CCSER1: variants seen among roughly 807,000 people sequenced by gnomAD.
The protein encoded by CCSER1 is serine-rich coiled-coil domain-containing protein 1.
Under a neutral mutation model 82.0 loss-of-function variants are expected in CCSER1, and 41 were observed. That is an observed-to-expected ratio of 0.50 (90% CI 0.39 to 0.65). The LOEUF (loss-of-function observed/expected upper bound fraction) is 0.65, where lower values mean the gene tolerates loss of function less well. Ranked by LOEUF, CCSER1 falls within the 30% of genes least tolerant of loss-of-function variation. The pLI is 0.00. For synonymous variants in CCSER1, 414 were observed against 383.9 expected, an observed-to-expected ratio of 1.08 and a Z score of -0.92; for missense variants, 1,119 against 1,064.2, an observed-to-expected ratio of 1.05 and a Z score of -0.72.
chr4:90,981,795 G>A (rs2150422778), intron 9 of CCSER1, among the ~76,000 whole-genome samples: 1 of 151,958 alleles, frequency 6.6e-6, no homozygotes, highest in African/African-American at 2.4e-5. Flanking sequence ...TAGCAATTAG[G>A]ATAGCTTATA....
At chr4:90,607,517 T>C (rs567738518) in intron 5 of CCSER1, among the ~76,000 whole-genome samples, 54 of 152,152 alleles carry the variant, frequency 3.5e-4, no homozygotes, top group Non-Finnish European at 4.7e-4. Flanking sequence ...TTTCTGGCAA[T>C]CTTTGGCTTT....
chr4:90,380,853 C>G (rs949612222), intron 3 of CCSER1, among the ~76,000 whole-genome samples: 2 of 152,178 alleles, frequency 1.3e-5, no homozygotes, highest in Non-Finnish European at 2.9e-5. Flanking sequence ...ATTCAAGGTA[C>G]TGTGTTTCTT....
intron 1 of CCSER1, among the ~76,000 whole-genome samples, chr4:90,268,793 C>T (rs967890112): frequency 6.6e-6 from 1 of 151,828 alleles, no homozygotes; most frequent in African/African-American, 2.4e-5. Flanking sequence ...GATCTGTTGC[C>T]TACAAGAAAT....
chr4:90,236,225 G>T (rs961163270), intron 1 of CCSER1, among the ~76,000 whole-genome samples: 1 of 152,112 alleles, frequency 6.6e-6, no homozygotes, highest in Non-Finnish European at 1.5e-5. Context: ...CACTGCGCCT[G>T]GCTAAAATAA....
chr4:90,890,872 A>G (rs902660551), intron 8 of CCSER1, among the ~76,000 whole-genome samples: 1 of 152,196 alleles, frequency 6.6e-6, no homozygotes, highest in African/African-American at 2.4e-5. Flanking sequence ...TCTAATGTCT[A>G]GCATTAGATA....
chr4:90,587,695 TAA>T, intron 5 of CCSER1, among the ~76,000 whole-genome samples: 1 of 152,342 alleles, frequency 6.6e-6, no homozygotes, highest in Non-Finnish European at 1.5e-5. Flanking sequence ...TTTTACCACT[TAA>T]GTTGCTTTAT....
At position 90,892,102 on chromosome 4, in the gene CCSER1, C is replaced by T. The variant is rs544714428; in HGVS notation, c.2095-31268C>T. 9.9e-5 allele frequency among the ~76,000 whole-genome samples: 15 copies of T among 152,090 alleles called. No individual in the cohort carries two copies. In the South Asian group the frequency reaches 2.9e-3, roughly 29 times the overall value. On this transcript the variant is annotated intron_variant, in intron 8 of 10. Coordinates refer to ENST00000509176, the MANE Select transcript of CCSER1 (RefSeq NM_001145065.2). ...AAAATTTGTTTTTTATCTTGTTAAA[C>T]GTAGTGTTAGATTTTAAATACATTT...
chr4:90,177,274 G>A (rs1260100222), intron 1 of CCSER1, among the ~76,000 whole-genome samples: 1 of 151,992 alleles, frequency 6.6e-6, no homozygotes, highest in Non-Finnish European at 1.5e-5. Context: ...ATGAAGTTGT[G>A]GATCTCTGAC....
At chr4:91,540,251 A>G (rs1761517533) in intron 10 of CCSER1, among the ~76,000 whole-genome samples, 1 of 152,088 alleles carries the variant, frequency 6.6e-6, no homozygotes, top group South Asian at 2.1e-4. Flanking sequence ...CAAAGTTCAT[A>G]GTTTACATTA....
At chr4:91,093,472 G>T (rs114539021) in intron 10 of CCSER1, among the ~76,000 whole-genome samples, 2,671 of 152,336 alleles carry the variant, frequency 0.018, 77 homozygotes, top group African/African-American at 0.059. Context: ...TTAGCCCATG[G>T]TGTCCTTTGG....
At position 90,598,798 on chromosome 4, in the gene CCSER1, A is replaced by G. The variant is rs76609027; in HGVS notation, c.1725-29227A>G. 8.0e-4 allele frequency among the ~76,000 whole-genome samples: 122 copies of G among 152,176 alleles called. No homozygotes were observed. The East Asian group carries it at 0.02, about 25-fold the overall frequency. ...TCACTGGGCCTAGGTTCAAGTAGTCAGGGGACAGGGTAGACATTAGAATGG... is the reference window on the plus strand; with the variant it reads ...TCACTGGGCCTAGGTTCAAGTAGTCGGGGGACAGGGTAGACATTAGAATGG... On this transcript the variant is annotated intron_variant, in intron 5 of 10. Transcript: ENST00000509176.
intron 5 of CCSER1, among the ~76,000 whole-genome samples, chr4:90,618,783 A>T (rs770606108): frequency 6.6e-6 from 1 of 151,902 alleles, no homozygotes; most frequent in Non-Finnish European, 1.5e-5. Flanking sequence ...TAAAACTCTT[A>T]TTGTTGATAA....
chr4:90,307,365 A>G (rs1412761073), intron 1 of CCSER1, among the ~76,000 whole-genome samples: 1 of 151,962 alleles, frequency 6.6e-6, no homozygotes, highest in African/African-American at 2.4e-5. Context: ...GTTTTTACTC[A>G]AGTATTTTCT....
chr4:90,231,650 G>C (rs952403429), intron 1 of CCSER1, among the ~76,000 whole-genome samples: 2 of 150,488 alleles, frequency 1.3e-5, no homozygotes, highest in Non-Finnish European at 2.9e-5. Flanking sequence ...GGAAATAAAG[G>C]GTATTCAATT....
intron 10 of CCSER1, among the ~76,000 whole-genome samples, chr4:91,355,422 C>G (rs757609881): frequency 6.6e-5 from 10 of 152,048 alleles, no homozygotes; most frequent in Non-Finnish European, 1.0e-4. Flanking sequence ...TAAAATGGGT[C>G]ATAACACACA....
At chr4:91,182,321 C>T (rs1321198452) in intron 10 of CCSER1, among the ~76,000 whole-genome samples, 3 of 152,180 alleles carry the variant, frequency 2.0e-5, no homozygotes, top group African/African-American at 7.2e-5. Flanking sequence ...ATTATTTTAC[C>T]TATTTCCCAA....
chr4:91,233,623 T>C (rs575370334), intron 10 of CCSER1, among the ~76,000 whole-genome samples: 1 of 152,068 alleles, frequency 6.6e-6, no homozygotes, highest in Admixed American at 6.5e-5. Flanking sequence ...CAATATTGTC[T>C]TACACAAAGG....
At chr4:91,586,780 T>A (rs559540095) in intron 10 of CCSER1, among the ~76,000 whole-genome samples, 1 of 151,838 alleles carries the variant, frequency 6.6e-6, no homozygotes, top group Admixed American at 6.6e-5. Context: ...GGTCATGACT[T>A]AAGATACGAT....
intron 7 of CCSER1, among the ~76,000 whole-genome samples, chr4:90,804,886 T>G (rs938169992): frequency 6.6e-6 from 1 of 152,162 alleles, no homozygotes; most frequent in Non-Finnish European, 1.5e-5. Context: ...TTATCCGTAT[T>G]TCAGATTCTT....
Sources: gnomAD v4.1 joint callset for allele counts (sites outside exome capture counted in the v4.1 genomes callset) on GRCh38, gnomAD v4.1.1 for gene constraint, MANE v1.5 for transcripts, NCBI Gene and HGNC (gene_info 2026-07-23, HGNC 2026-07-21) for gene names.